Variants in POLE observed in about 807,000 individuals in gnomAD.
POLE encodes the protein DNA polymerase epsilon catalytic subunit A.
In POLE, 188 loss-of-function variants were observed where a neutral mutation model predicts 279.2. That is an observed-to-expected ratio of 0.67 (90% confidence interval 0.60 to 0.76). The LOEUF (loss-of-function observed/expected upper bound fraction) is 0.76, where lower values mean the gene tolerates loss of function less well. Ranked by LOEUF, POLE falls within the 30% of genes least tolerant of loss-of-function variation. The probability of loss-of-function intolerance (pLI) is 0.00; values close to 1 mark genes in which losing one functional copy is unlikely to be tolerated. For missense variants in POLE, 2,703 were observed against 3,016.7 expected (o/e 0.90, Z 2.44); for synonymous variants, 1,214 against 1,172.5 (o/e 1.04, Z -0.72).
Position 132,649,021 on chromosome 12 carries a change from T to C in POLE, c.4057A>G (p.Ser1353Gly), listed in dbSNP as rs141619382. Residue 1353 changes from serine to glycine, a missense_variant, in exon 32 of 49, where the codon AGT becomes GGT. Ser to Gly is a moderately conservative substitution (Grantham distance 56, BLOSUM62 0). Around this residue, in one of 5 missense-constraint regions of POLE, gnomAD observed 1,551 missense variants for 1,686.1 expected, o/e 0.92. Transcript: ENST00000320574. ...CTCAGCCTGATGCAGTGCAAGTCAC[T>C]GCCAACGAGCGCCCACAGCCTGAAC... The part of the protein sequence containing the change: ...GLFRLWALVG[S>G]DLHCIRLSIP... 1,236 of 1,613,788 alleles carry C rather than the reference T, an allele frequency of 7.7e-4. 2 individuals carry two copies. Among genetic ancestry groups the C allele is most frequent in the Non-Finnish European group, 9.2e-4 (1,080 of 1,180,012 alleles).
chr12:132,680,171 C>T lies in POLE; in HGVS notation c.330+7G>A, dbSNP rs747638287. The stretch of plus-strand genomic sequence containing the variant: ...TCGTCTGACCTGAGTCTATGAAACA[C>T]ACTCACCTTTCTGGTCGCAATGTAG... On this transcript the variant is annotated splice_region_variant and intron_variant, in intron 4 of 48. Transcript: ENST00000320574. 2 of 1,613,414 alleles carry T rather than the reference C, an allele frequency of 1.2e-6. No homozygotes were observed. The highest frequency in any genetic ancestry group is 1.1e-5 in the South Asian group (1 of 91,066).
At chr12:132,682,872 G>C (rs534859152) in intron 1 of POLE, among the ~76,000 whole-genome samples, 1 of 151,900 alleles carries the variant, frequency 6.6e-6, no homozygotes, top group African/African-American at 2.4e-5. Flanking sequence ...AGAATGGCGT[G>C]AATCCAGGAG....
chr12:132,641,509 G>C, intron 39 of POLE, 138 bp downstream of exon 39: 2 of 714,088 alleles, frequency 2.8e-6, no homozygotes, highest in East Asian at 2.7e-5. Flanking sequence ...TGGAAAACTC[G>C]CCACACAGTG....
At position 132,639,016 on chromosome 12, in the gene POLE, T is replaced by C. The variant is rs979811209; in HGVS notation, c.5552+109A>G. The C allele has an allele frequency of 5.5e-5, 51 of 921,340 alleles. No individual in the cohort carries two copies. The highest frequency in any genetic ancestry group is 4.9e-5 in the African/African-American group (3 of 60,998). The allele number at this position is 921,340 out of a possible 1,614,324, so 57.1% of individuals were successfully genotyped here. A position where few individuals can be genotyped will look rare whatever the true frequency, so the allele number is the denominator to read the frequency against. ...TTGTTATGCTCCACAAACTCAGAAA[T>C]ACACTACTTATCCCAGAGGCACTGG... On this transcript the variant is annotated intron_variant, in intron 40 of 48. Coordinates refer to ENST00000320574, the MANE Select transcript of POLE (RefSeq NM_006231.4). This position sits in a 1 kb window ranked among gnomAD's most constrained non-coding sequence, Gnocchi z 4.7.
intron 32 of POLE, chr12:132,648,401 G>C (rs1342159440): frequency 1.3e-5 from 2 of 152,078 alleles, no homozygotes; most frequent in African/African-American, 2.4e-5. Context: ...TAATGCCCAG[G>C]TGACGGGGTG....
chr12:132,658,992 G>A lies in POLE; in HGVS notation c.3275+303C>T, dbSNP rs539918198. Among the ~76,000 whole-genome samples, 41 of 148,660 alleles carry A rather than the reference G, an allele frequency of 2.8e-4. 1 individual carries two copies. The South Asian group carries it at 3.6e-3, about 13-fold the overall frequency. On this transcript the variant is annotated intron_variant, in intron 26 of 48. Coordinates refer to ENST00000320574, the MANE Select transcript of POLE (RefSeq NM_006231.4). ...CCTGATTTTTGCTTTTTTCTCCAAAGTGGTTTCAAACTGTCAGTGTTGTAA... is the reference window on the plus strand; with the variant it reads ...CCTGATTTTTGCTTTTTTCTCCAAAATGGTTTCAAACTGTCAGTGTTGTAA...
intron 32 of POLE, among the ~76,000 whole-genome samples, chr12:132,646,519 T>C (rs2138580690): frequency 7.9e-6 from 1 of 126,388 alleles, no homozygotes; most frequent in Non-Finnish European, 1.6e-5. Context: ...ACATTCTTTC[T>C]TCCTTTAAAA....
At position 132,675,249 on chromosome 12, in the gene POLE, T is replaced by C; in HGVS notation, c.1226+149A>G. On this transcript the variant is annotated intron_variant, in intron 12 of 48. Coordinates refer to ENST00000320574, the MANE Select transcript of POLE (RefSeq NM_006231.4). This position sits in a 1 kb window ranked among gnomAD's most constrained non-coding sequence, Gnocchi z 4.3. ...CAGCACATCCCGGGCCCTGGCAGGG[T>C]TGCAGCTGCCATACTCTTGGGTGAC... 1 of 904,828 alleles carries C rather than the reference T, an allele frequency of 1.1e-6. No individual in the cohort carries two copies. The highest frequency in any genetic ancestry group is 1.7e-5 in the South Asian group (1 of 58,714). 56.0% of individuals were successfully genotyped at this position (904,828 alleles called of 1,614,324 possible).
Position 132,664,601 on chromosome 12 carries a change from A to C in POLE, c.2469-139T>G, listed in dbSNP as rs2042751008. On this transcript the variant is annotated intron_variant, in intron 21 of 48. Coordinates refer to ENST00000320574, the MANE Select transcript of POLE (RefSeq NM_006231.4). This position sits in a 1 kb window ranked among gnomAD's most constrained non-coding sequence, Gnocchi z 5.3. ...CAGCCAAATGTGCGTGCACCAGGAC[A>C]GAACTAAGGTGGAATCTGGCTCTGC... The C allele has an allele frequency of 1.5e-6, 1 of 689,164 alleles. No homozygotes were observed. The highest frequency in any genetic ancestry group is 2.7e-5 in the East Asian group (1 of 37,048). 42.7% of individuals were successfully genotyped at this position (689,164 alleles called of 1,614,324 possible).
rs2042580407 is a variant in POLE at position 132,657,868 on chromosome 12, T to C, written c.3378A>G (p.Ala1126=). The C allele has an allele frequency of 6.2e-7, 1 of 1,605,718 alleles. No individual in the cohort carries two copies. The highest frequency in any genetic ancestry group is 8.5e-7 in the Non-Finnish European group (1 of 1,172,252). The change falls in exon 27 of 49, where the codon GCA becomes GCG. Residue 1126 remains alanine, a splice_region_variant and synonymous_variant. Transcript: ENST00000320574. The part of the protein sequence containing the change: ...SSSLQDFDIR[A]ILDWDYYIER... ...AGTAGAGAACGCAACTGGCACTCACTGCTCGAATATCAAAGTCTTGAAGGG... is the reference window on the plus strand; with the variant it reads ...AGTAGAGAACGCAACTGGCACTCACCGCTCGAATATCAAAGTCTTGAAGGG...
chr12:132,680,290 A>G (rs954868717), intron 3 of POLE, 68 bp from the exon 4 acceptor site: 1 of 1,418,786 alleles, frequency 7.0e-7, no homozygotes, highest in African/African-American at 1.4e-5. Context: ...GTGAAAACAC[A>G]TTGCTTGCTC....
Position 132,668,237 on chromosome 12 carries a change from G to A in POLE, c.2173+119C>T, listed in dbSNP as rs975561376. The A allele has an allele frequency of 3.4e-6, 4 of 1,160,954 alleles. No homozygotes were observed. The Admixed American group carries it at 1.0e-4, about 29-fold the overall frequency. 71.9% of individuals were successfully genotyped at this position (1,160,954 alleles called of 1,614,324 possible). On this transcript the variant is annotated intron_variant, in intron 19 of 48. Transcript: ENST00000320574. The surrounding 1 kb of genome is among the most constrained non-coding windows in gnomAD (Gnocchi z 4.0). Reference sequence around the variant, plus strand: ...CTTACAGTGACCTAGAGCAGCTTCTGGTCTGCTGTGACAACACCTCTGGGG... The same window carrying A: ...CTTACAGTGACCTAGAGCAGCTTCTAGTCTGCTGTGACAACACCTCTGGGG...
rs1351316877 is a variant in POLE at position 132,676,603 on chromosome 12, C to T, written c.852G>A (p.Lys284=). Residue 284 remains lysine (K), a synonymous_variant, in exon 9 of 49, where the codon AAG becomes AAA. Transcript: ENST00000320574. ...TCTGGTCTGTCTCAGCATCAGGAAA[C>T]TTGAGGGGCAGTTTGGTCGTCTCAA... is the stretch of plus-strand genomic sequence containing the variant. The part of the protein sequence containing the change: ...FDIETTKLPL[K]FPDAETDQIM... 1 of 1,614,082 alleles carries T rather than the reference C, an allele frequency of 6.2e-7. No individual in the cohort carries two copies. Among genetic ancestry groups the T allele is most frequent in the South Asian group, 1.1e-5 (1 of 91,078 alleles).
In POLE at chr12:132,668,953, G is replaced by A. The variant is rs369023182; in HGVS notation, c.1795-14C>T. 6.8e-6 allele frequency: 11 copies of A among 1,612,742 alleles called. No individual in the cohort carries two copies. Among genetic ancestry groups the A allele is most frequent in the South Asian group, 4.4e-5 (4 of 90,938 alleles). On this transcript the variant is annotated splice_polypyrimidine_tract_variant and intron_variant, in intron 16 of 48. Transcript: ENST00000320574. The surrounding 1 kb of genome is among the most constrained non-coding windows in gnomAD (Gnocchi z 4.0). ...CTCATCACACACCTGCAGAGAAAGC[G>A]AAACTCAGTAGAGGCTGGTGACCAA...
intron 45 of POLE, among the ~76,000 whole-genome samples, chr12:132,628,512 G>C (rs545351105): frequency 4.0e-5 from 6 of 151,810 alleles, no homozygotes; most frequent in Admixed American, 3.3e-4. Context: ...GCATTGTGGC[G>C]GGCACCTGTA....
At position 132,639,438 on chromosome 12, in the gene POLE, G is replaced by A. The variant is rs1280878918; in HGVS notation, c.5379-140C>T. 2.9e-6 allele frequency: 2 copies of A among 689,394 alleles called. No homozygotes were observed. Among genetic ancestry groups the A allele is most frequent in the Non-Finnish European group, 4.9e-6 (2 of 406,446 alleles). 42.7% of individuals were successfully genotyped at this position (689,394 alleles called of 1,614,324 possible). ...GTCACTGTCGCCTCCCCTTCTCACT[G>A]TCCCCACCTTAAGTCACGGTCCAAA... On this transcript the variant is annotated intron_variant, in intron 39 of 48. Coordinates refer to ENST00000320574, the MANE Select transcript of POLE (RefSeq NM_006231.4). This position sits in a 1 kb window ranked among gnomAD's most constrained non-coding sequence, Gnocchi z 4.7.
At chr12:132,627,302 G>A (rs1490912285) in intron 45 of POLE, among the ~76,000 whole-genome samples, 1 of 151,856 alleles carries the variant, frequency 6.6e-6, no homozygotes, top group African/African-American at 2.4e-5. Flanking sequence ...AAAGCTATGT[G>A]ATTTTTTTTA....
chr12:132,675,627 T>C lies in POLE; in HGVS notation c.1106+108A>G, dbSNP rs1210731798. 3 of 1,584,972 alleles carry C rather than the reference T, an allele frequency of 1.9e-6. No homozygotes were observed. The highest frequency in any genetic ancestry group is 4.5e-5 in the East Asian group (2 of 44,644). On this transcript the variant is annotated intron_variant, in intron 11 of 48. Transcript: ENST00000320574. The surrounding 1 kb of genome is among the most constrained non-coding windows in gnomAD (Gnocchi z 4.3). ...GAACCCAGACACGGGAGGTGCAGAG[T>C]GAACCCAGGAGCCACCTCCTAAGTC...
At position 132,668,642 on chromosome 12, in the gene POLE, G is replaced by A. The variant is rs748614767; in HGVS notation, c.2019C>T (p.Gly673=). The A allele has an allele frequency of 5.0e-6, 8 of 1,611,370 alleles. No individual in the cohort carries two copies. Among genetic ancestry groups the A allele is most frequent in the Non-Finnish European group, 6.8e-6 (8 of 1,177,812 alleles). ...CQRKMAWQWR[G]EFMPASRSEY... ...CAGGCGGCCGACACTCACTGAACTC[G>A]CCCCTCCACTGCCAGGCCATCTTCC... is the stretch of plus-strand genomic sequence containing the variant. Residue 673 remains glycine (G), a synonymous_variant, in exon 18 of 49, where the codon GGC becomes GGT. Transcript: ENST00000320574. The surrounding 1 kb of genome is among the most constrained non-coding windows in gnomAD (Gnocchi z 4.0).
Sources: allele counts gnomAD v4.1 joint callset (sites outside exome capture counted in the v4.1 genomes callset), GRCh38; gene constraint gnomAD v4.1.1; regional missense constraint gnomAD v4.1.1; non-coding constraint Gnocchi (gnomAD v3.1); transcripts MANE v1.5; gene names NCBI Gene and HGNC (gene_info 2026-07-23, HGNC 2026-07-21).